Variants in PCDHGA3 observed in about 807,000 individuals in gnomAD.
PCDHGA3 encodes the protein protocadherin gamma-A3.
PCDHGA3 carries 40 observed loss-of-function variants against 58.5 expected under a neutral mutation model. The observed-to-expected ratio is 0.68, with a 90% CI of 0.53 to 0.89. The LOEUF (loss-of-function observed/expected upper bound fraction) is 0.89. Ranked by LOEUF, PCDHGA3 falls within the 40% of genes least tolerant of loss-of-function variation. The probability of loss-of-function intolerance (pLI) is 0.00; values close to 1 mark genes in which losing one functional copy is unlikely to be tolerated. For synonymous variants in PCDHGA3, 530 were observed against 525.7 expected (o/e 1.01, Z -0.11); for missense variants, 1,223 against 1,195.9 (o/e 1.02, Z -0.33).
intron 1 of PCDHGA3, chr5:141,355,795 G>A: frequency 1.9e-6 from 3 of 1,613,406 alleles, no homozygotes; most frequent in Middle Eastern, 1.7e-4. Context: ...GCTGGAACGC[G>A]CTCTAGATCG....
At chr5:141,379,148 C>A (rs1775403253) in intron 1 of PCDHGA3, 1 of 152,174 alleles carries the variant, frequency 6.6e-6, no homozygotes, top group East Asian at 1.9e-4. Flanking sequence ...TCCTTTGTAA[C>A]CTGACTTTGT....
intron 1 of PCDHGA3, among the ~76,000 whole-genome samples, chr5:141,480,753 G>A (rs1418880497): frequency 1.3e-5 from 2 of 152,144 alleles, no homozygotes; most frequent in Non-Finnish European, 2.9e-5. Flanking sequence ...ATCATTTTTT[G>A]AAGGTCCCCA....
chr5:141,409,273 G>A, intron 1 of PCDHGA3: 1 of 1,613,958 alleles, frequency 6.2e-7, no homozygotes, highest in South Asian at 1.1e-5. Context: ...ATCAGATTTT[G>A]GAGAATTCAC....
At chr5:141,404,169 C>G in intron 1 of PCDHGA3, 4 of 1,612,736 alleles carry the variant, frequency 2.5e-6, no homozygotes, top group Non-Finnish European at 3.4e-6. Flanking sequence ...AGATTGTTGA[C>G]GGCCCAAATT....
At chr5:141,428,174 G>A (rs962782246) in intron 1 of PCDHGA3, 3 of 1,515,246 alleles carry the variant, frequency 2.0e-6, no homozygotes, top group Non-Finnish European at 2.7e-6. Context: ...TGTGCGTGAC[G>A]GAGGACAGCC....
chr5:141,344,088 C>T lies in PCDHGA3; in HGVS notation c.55C>T (p.Leu19Phe). Reference protein sequence around the residue: ...NGRGLALLCALLGTLCETGSG... With the variant: ...NGRGLALLCAFLGTLCETGSG... ...CAGAGGACTGGCCCTGCTGTGCGCG[C>T]TCCTGGGGACGCTGTGCGAAACAGG... is the stretch of plus-strand genomic sequence containing the variant. The change falls in exon 1 of 4, where the codon CTC becomes TTC. Residue 19 changes from leucine to phenylalanine, a missense_variant. Leu to Phe is a conservative substitution (Grantham distance 22, BLOSUM62 0). Coordinates refer to ENST00000253812, the MANE Select transcript of PCDHGA3 (RefSeq NM_018916.4). The T allele has an allele frequency of 6.2e-7, 1 of 1,612,960 alleles. No individual in the cohort carries two copies. Among genetic ancestry groups the T allele is most frequent in the South Asian group, 1.1e-5 (1 of 91,000 alleles).
At chr5:141,389,866 T>G (rs1332106674) in intron 1 of PCDHGA3, 1 of 1,614,082 alleles carries the variant, frequency 6.2e-7, no homozygotes, top group African/African-American at 1.3e-5. Context: ...TTGCACCTGG[T>G]CTTCGCCGAC....
At chr5:141,387,323 G>T (rs2090908841) in intron 1 of PCDHGA3, among the ~76,000 whole-genome samples, 1 of 152,154 alleles carries the variant, frequency 6.6e-6, no homozygotes, top group South Asian at 2.1e-4. Context: ...AGTAAGTATG[G>T]AAAATTACTG....
intron 1 of PCDHGA3, chr5:141,395,039 T>A: frequency 6.2e-7 from 1 of 1,614,020 alleles, no homozygotes; most frequent in Non-Finnish European, 8.5e-7. Context: ...ATTTTGTGGG[T>A]GTTGAGGAGG....
At chr5:141,373,898 A>AT (rs1769937255) in intron 1 of PCDHGA3, 1 of 541,162 alleles carries the variant, frequency 1.8e-6, no homozygotes, top group Non-Finnish European at 3.1e-6. Flanking sequence ...CTCAAGTTAC[A>AT]TCCTCCAACA....
intron 1 of PCDHGA3, chr5:141,419,490 C>G (rs2096390495): frequency 8.1e-6 from 13 of 1,612,414 alleles, no homozygotes; most frequent in Non-Finnish European, 1.1e-5. Context: ...GCGCTCAGCG[C>G]CAATGTGAGC....
rs200798114 is a variant in PCDHGA3 at position 141,344,795 on chromosome 5, C to T, written c.762C>T (p.Asn254=). Residue 254 remains asparagine (N), a synonymous_variant, in exon 1 of 4, where the codon AAC becomes AAT. Transcript: ENST00000253812. ...AGTACCGTGTGAGTGTTTGGGAGAA[C>T]GTGCCTGTGGGTACCCGGCTGCTCA... ...QPEYRVSVWE[N]VPVGTRLLTV... 27 of 1,613,818 alleles carry T rather than the reference C, an allele frequency of 1.7e-5. No homozygotes were observed. The highest frequency in any genetic ancestry group is 2.3e-5 in the Non-Finnish European group (27 of 1,179,908).
intron 1 of PCDHGA3, among the ~76,000 whole-genome samples, chr5:141,400,827 C>G (rs1236536713): frequency 2.0e-5 from 3 of 152,178 alleles, no homozygotes; most frequent in Admixed American, 2.0e-4. Flanking sequence ...TTCGTTGTCT[C>G]ATTCTTTAAC....
At chr5:141,405,488 C>A in intron 1 of PCDHGA3, 1 of 895,936 alleles carries the variant, frequency 1.1e-6, no homozygotes, top group Non-Finnish European at 1.7e-6. Context: ...GGTGTGATCT[C>A]GGCTCATTGC....
chr5:141,450,264 C>T (rs1395960399), intron 1 of PCDHGA3, among the ~76,000 whole-genome samples: 1 of 152,112 alleles, frequency 6.6e-6, no homozygotes, highest in Non-Finnish European at 1.5e-5. Flanking sequence ...GTGATCTGCC[C>T]ACCTCAGCTA....
At position 141,344,026 on chromosome 5, in the gene PCDHGA3, A is replaced by T; in HGVS notation, c.-8A>T. The stretch of plus-strand genomic sequence containing the variant: ...CGAATTCAGAGAAAGCGATTCACCG[A>T]AAAGGAAATGACCAATTGCCTGAGT... On this transcript the variant is annotated 5_prime_UTR_variant, in exon 1 of 4. Transcript: ENST00000253812. 1 of 1,529,842 alleles carries T rather than the reference A, an allele frequency of 6.5e-7. No individual in the cohort carries two copies. Among genetic ancestry groups the T allele is most frequent in the Non-Finnish European group, 8.8e-7 (1 of 1,140,698 alleles). The allele number at this position is 1,529,842 out of a possible 1,614,324, so 94.8% of individuals were successfully genotyped here.
At chr5:141,370,600 T>G in intron 1 of PCDHGA3, 1 of 1,613,984 alleles carries the variant, frequency 6.2e-7, no homozygotes, top group Non-Finnish European at 8.5e-7. Context: ...CTGCGGGTTA[T>G]TGCAGAGAAG....
At position 141,486,579 on chromosome 5, in the gene PCDHGA3, G is replaced by A. The variant is rs747583158; in HGVS notation, c.2425-8228G>A. On this transcript the variant is annotated intron_variant, in intron 1 of 3. Coordinates refer to ENST00000253812, the MANE Select transcript of PCDHGA3 (RefSeq NM_018916.4). The surrounding 1 kb of genome is among the most constrained non-coding windows in gnomAD (Gnocchi z 5.0). ...GAGGTGTTTGTTCCTGAGAACAATC[G>A]CCCAGGGGACCTGCTTTGCTCCCTT... is the stretch of plus-strand genomic sequence containing the variant. The A allele has an allele frequency of 5.1e-5, 82 of 1,613,426 alleles. No homozygotes were observed. Among genetic ancestry groups the A allele is most frequent in the South Asian group, 2.2e-4 (20 of 91,084 alleles).
intron 1 of PCDHGA3, among the ~76,000 whole-genome samples, chr5:141,448,287 C>G (rs1394399947): frequency 6.6e-6 from 1 of 152,130 alleles, no homozygotes; most frequent in Non-Finnish European, 1.5e-5. Flanking sequence ...GCAACTTGCT[C>G]TTTCCACTTA....
Sources: allele counts gnomAD v4.1 joint callset (sites outside exome capture counted in the v4.1 genomes callset), GRCh38; gene constraint gnomAD v4.1.1; non-coding constraint Gnocchi (gnomAD v3.1); transcripts MANE v1.5; gene names NCBI Gene and HGNC (gene_info 2026-07-23, HGNC 2026-07-21).